ZNF142: variants seen among roughly 807,000 people sequenced by gnomAD.
ZNF142 encodes the protein zinc finger protein 142.
Under a neutral mutation model 132.1 loss-of-function variants are expected in ZNF142, and 96 were observed. The ratio of observed to expected loss-of-function variants is 0.73; its 90% confidence interval spans 0.62 to 0.86. The LOEUF (loss-of-function observed/expected upper bound fraction) is 0.86, where lower values mean the gene tolerates loss of function less well. Among genes scored for constraint, ZNF142 ranks in the 40% least tolerant of loss-of-function variants. The pLI, the probability that ZNF142 is intolerant of heterozygous loss-of-function variation, is 0.00. For missense variants in ZNF142, 2,163 were observed against 2,336.2 expected, an observed-to-expected ratio of 0.93 and a Z score of 1.53; for synonymous variants, 842 against 890.1, an observed-to-expected ratio of 0.95 and a Z score of 0.96.
chr2:218,652,060 G>C lies in ZNF142; in HGVS notation c.521C>G (p.Ala174Gly). 1 of 466,610 alleles carries C rather than the reference G, an allele frequency of 2.1e-6. No homozygotes were observed. Among genetic ancestry groups the C allele is most frequent in the Non-Finnish European group, 4.2e-6 (1 of 236,400 alleles). The allele number at this position is 466,610 out of a possible 1,614,324, so 28.9% of individuals were successfully genotyped here. A position where few individuals can be genotyped will look rare whatever the true frequency, so the allele number is the denominator to read the frequency against. The change falls in exon 5 of 11, where the codon GCC becomes GGC. Residue 174 changes from alanine to glycine, a missense_variant. Ala to Gly is a moderately conservative substitution (Grantham distance 60, BLOSUM62 0). This residue lies in a region of ZNF142 where 195 missense variants were observed against 172.4 expected (regional missense o/e 1.13). Transcript: ENST00000411696. Reference protein sequence around the residue: ...LSCPVCRQEFAQPQALKSHFK... With the variant: ...LSCPVCRQEFGQPQALKSHFK... ...GTGGCTCTTCAGGGCCTGGGGTTGG[G>C]CAAACTCCTGTCTACACACAGGGCA...
At position 218,642,875 on chromosome 2, in the gene ZNF142, C is replaced by A; in HGVS notation, c.4241G>T (p.Arg1414Leu). The change falls in exon 9 of 11, where the codon CGG becomes CTG. Residue 1414 changes from arginine (R) to leucine (L), a missense_variant. Arg to Leu is a moderately radical substitution (Grantham distance 102). Transcript: ENST00000411696. This position sits in a 1 kb window ranked among gnomAD's most constrained non-coding sequence, Gnocchi z 4.6. ...GTGTCGGGACTGGTGAGCCTCTAACCGGTACCGTCTGGTGGTCGAAAAGTC... is the reference window on the plus strand; with the variant it reads ...GTGTCGGGACTGGTGAGCCTCTAACAGGTACCGTCTGGTGGTCGAAAAGTC... The part of the protein sequence containing the change: ...FCDFSTTRRY[R>L]LEAHQSRHTG... 1 of 1,614,140 alleles carries A rather than the reference C, an allele frequency of 6.2e-7. No homozygotes were observed.
At chr2:218,646,706 T>TGGG (rs1697759980) in intron 7 of ZNF142, among the ~76,000 whole-genome samples, 1 of 152,158 alleles carries the variant, frequency 6.6e-6, no homozygotes, top group Non-Finnish European at 1.5e-5. Flanking sequence ...TGCCTTAGCC[T>TGGG]CTCGAGTAGC....
In ZNF142 at chr2:218,633,551, TTC is replaced by T; in HGVS notation, c.*4786_*4787del. ...TTTAGGTTGGATGGCCATTATCTTC[TTC>T]TCTCTCAGACTGCTGAGGGTTCAAT... On this transcript the variant is annotated 3_prime_UTR_variant, in exon 11 of 11. Transcript: ENST00000411696. The T allele has an allele frequency of 6.3e-7, 1 of 1,577,858 alleles. No individual in the cohort carries two copies. Among genetic ancestry groups the T allele is most frequent in the Non-Finnish European group, 8.7e-7 (1 of 1,147,470 alleles).
rs1284341581 is a variant in ZNF142 at position 218,643,421 on chromosome 2, G to A, written c.3695C>T (p.Pro1232Leu). The A allele has an allele frequency of 7.4e-6, 12 of 1,614,216 alleles. No homozygotes were observed. Among genetic ancestry groups the A allele is most frequent in the East Asian group, 2.2e-5 (1 of 44,882 alleles). The part of the protein sequence containing the change: ...EQGKFHCNSC[P>L]FLCSRLSSIT... ...AGAGGAGAGCCGGGAACAAAGGAAT[G>A]GGCAGGAGTTGCAGTGAAACTTGCC... Residue 1232 changes from proline (P) to leucine (L), a missense_variant, in exon 9 of 11, where the codon CCA becomes CTA. This residue lies in a region of ZNF142 where 809 missense variants were observed against 801.7 expected (regional missense o/e 1.01). Transcript: ENST00000411696.
Position 218,644,193 on chromosome 2 carries a change from C to T in ZNF142, c.2923G>A (p.Ala975Thr). ...AAGGTTCCTACCCAGTTGTTAGGAGCCTCCTCTAAGGATGGAGGATTTGTG... is the reference window on the plus strand; with the variant it reads ...AAGGTTCCTACCCAGTTGTTAGGAGTCTCCTCTAAGGATGGAGGATTTGTG... ...PSTNPPSLEE[A>T]PNNWVGTFKT... The change falls in exon 9 of 11, where the codon GCT becomes ACT. Residue 975 changes from alanine (A) to threonine (T), a missense_variant. Transcript: ENST00000411696. The surrounding 1 kb of genome is among the most constrained non-coding windows in gnomAD (Gnocchi z 4.6). 1 of 1,614,100 alleles carries T rather than the reference C, an allele frequency of 6.2e-7. No homozygotes were observed. The highest frequency in any genetic ancestry group is 2.2e-5 in the East Asian group (1 of 44,876).
rs765735729 is a variant in ZNF142, at chr2:218,636,551, G to A, written c.*1788C>T. On this transcript the variant is annotated 3_prime_UTR_variant, in exon 11 of 11. Transcript: ENST00000411696. ...CATCTTTGTGTATATCTGCATCCAG[G>A]AAGGCCTGGAGGGGGATGAGTCCTG... The A allele has an allele frequency of 6.2e-7, 1 of 1,614,026 alleles. No homozygotes were observed. The highest frequency in any genetic ancestry group is 1.1e-5 in the South Asian group (1 of 91,078).
Position 218,643,386 on chromosome 2 carries a change from G to C in ZNF142, c.3730C>G (p.His1244Asp). 1 of 1,614,216 alleles carries C rather than the reference G, an allele frequency of 6.2e-7. No homozygotes were observed. The highest frequency in any genetic ancestry group is 1.1e-5 in the South Asian group (1 of 91,080). Residue 1244 changes from histidine (H) to aspartate (D), a missense_variant, in exon 9 of 11, where the codon CAC (histidine) becomes GAC (aspartate). This residue lies in a region of ZNF142 where 809 missense variants were observed against 801.7 expected (regional missense o/e 1.01). Transcript: ENST00000411696. ...CCCCCCCTGCAGCCTTCAGCCACGT[G>C]AGAGGTAATAGAGGAGAGCCGGGAA... ...LCSRLSSITS[H>D]VAEGCRGGRG...
In ZNF142 at chr2:218,633,393, C is replaced by T. The variant is rs751231334; in HGVS notation, c.*4946G>A. ...TCCCATTCCCACCCCCAGGTTGTGACGTGCCCGCTGTTTTGTCCGTCTATC... is the reference window on the plus strand; with the variant it reads ...TCCCATTCCCACCCCCAGGTTGTGATGTGCCCGCTGTTTTGTCCGTCTATC... On this transcript the variant is annotated 3_prime_UTR_variant, in exon 11 of 11. Coordinates refer to ENST00000411696, the MANE Select transcript of ZNF142 (RefSeq NM_001379659.1). 3.1e-5 allele frequency: 22 copies of T among 711,090 alleles called. 2 individuals are homozygous for T. The highest frequency in any genetic ancestry group is 2.1e-4 in the South Asian group (14 of 67,726). 44.0% of individuals were successfully genotyped at this position (711,090 alleles called of 1,614,324 possible).
chr2:218,656,008 T>C, intron 4 of ZNF142, 142 bp downstream of exon 4: 1 of 1,161,084 alleles, frequency 8.6e-7, no homozygotes, highest in Non-Finnish European at 1.1e-6. Flanking sequence ...ATGCACCAAC[T>C]GCAAACCAAA....
chr2:218,643,026 C>A lies in ZNF142; in HGVS notation c.4090G>T (p.Ala1364Ser). The A allele has an allele frequency of 6.2e-7, 1 of 1,601,804 alleles. No homozygotes were observed. ...TGTAGATGGGGCCGGGGCCCACGGG[C>A]TGGGGCTGCAGTGGGGTGCCTCCGC... ...QKRRHPTAAP[A>S]RGPRPHLQCG... The change falls in exon 9 of 11, where the codon GCC (alanine) becomes TCC (serine). Residue 1364 changes from alanine to serine, a missense_variant. Ala to Ser is a moderately conservative substitution (Grantham distance 99, BLOSUM62 1). Coordinates refer to ENST00000411696, the MANE Select transcript of ZNF142 (RefSeq NM_001379659.1).
At chr2:218,645,115 TA>T in intron 8 of ZNF142, 51 bp from the exon 9 acceptor site, 1 of 1,579,232 alleles carries the variant, frequency 6.3e-7, no homozygotes, top group South Asian at 1.1e-5. Flanking sequence ...TCACAACAAC[TA>T]AGAATCAGTC....
intron 10 of ZNF142, among the ~76,000 whole-genome samples, chr2:218,640,148 G>C (rs2106193394): frequency 6.6e-6 from 1 of 151,338 alleles, no homozygotes; most frequent in Middle Eastern, 3.4e-3. Context: ...AAAGCAGAGG[G>C]CCTTGAAATG....
In ZNF142 at chr2:218,645,028, C is replaced by A. The variant is rs1697611986; in HGVS notation, c.2088G>T (p.Arg696=). ...QCNQCSYRCH[R]ADQLSSHKLR... is the part of the protein sequence containing the mutation. ...GCTTGTGGCTGCTCAGCTGATCAGC[C>A]CGGTGACAGCGATAGGAGCACTGGT... The change falls in exon 9 of 11, where the codon CGG becomes CGT. Residue 696 remains arginine (R), a synonymous_variant. Transcript: ENST00000411696. The A allele has an allele frequency of 6.2e-7, 1 of 1,613,472 alleles. No homozygotes were observed. The highest frequency in any genetic ancestry group is 1.3e-5 in the African/African-American group (1 of 74,892).
chr2:218,641,252 T>TC (rs1313055617), intron 9 of ZNF142, among the ~76,000 whole-genome samples: 1 of 147,908 alleles, frequency 6.8e-6, no homozygotes, highest in East Asian at 2.0e-4. Flanking sequence ...AATTTTTTTT[T>TC]TTTTTTTTTT....
Position 218,642,916 on chromosome 2 carries a change from A to T in ZNF142, c.4200T>A (p.His1400Gln). 6.2e-7 allele frequency: 1 copy of T among 1,613,886 alleles called. No individual in the cohort carries two copies. The highest frequency in any genetic ancestry group is 8.5e-7 in the Non-Finnish European group (1 of 1,180,000). The change falls in exon 9 of 11, where the codon CAT (histidine) becomes CAA (glutamine). Residue 1400 changes from histidine to glutamine, a missense_variant. Transcript: ENST00000411696. This position sits in a 1 kb window ranked among gnomAD's most constrained non-coding sequence, Gnocchi z 4.6. ...TCGAAAAGTCACAGAAGGGGCACTGATGGGGCTTCACCCCCTCGTGCTTGA... is the reference window on the plus strand; with the variant it reads ...TCGAAAAGTCACAGAAGGGGCACTGTTGGGGCTTCACCCCCTCGTGCTTGA... Reference protein sequence around the residue: ...RRLKHEGVKPHQCPFCDFSTT... With the variant: ...RRLKHEGVKPQQCPFCDFSTT...
chr2:218,652,584 G>A (rs540533183), intron 4 of ZNF142, among the ~76,000 whole-genome samples: 8 of 152,260 alleles, frequency 5.3e-5, no homozygotes, highest in African/African-American at 1.9e-4. Context: ...CATTAAGACA[G>A]TATATTTTGC....
chr2:218,649,412 G>C lies in ZNF142; in HGVS notation c.1096C>G (p.Pro366Ala). Residue 366 changes from proline (P) to alanine (A), a missense_variant, in exon 7 of 11, where the codon CCA becomes GCA. Physicochemically the swap from Pro to Ala is conservative, Grantham distance 27 (BLOSUM62 -1). Transcript: ENST00000411696. ...TTCTTAAAGCAGCGCTTACACTCTG[G>C]ACACATATGGGTCTTGAAGAGGGAC... The part of the protein sequence containing the change: ...TESLFKTHMC[P>A]ECKRCFKKRT... The C allele has an allele frequency of 6.2e-7, 1 of 1,612,400 alleles. No individual in the cohort carries two copies. The highest frequency in any genetic ancestry group is 2.2e-5 in the East Asian group (1 of 44,826).
In ZNF142 at chr2:218,643,095, G is replaced by A. The variant is rs1377534723; in HGVS notation, c.4021C>T (p.Pro1341Ser). The A allele has an allele frequency of 6.2e-7, 1 of 1,610,006 alleles. No individual in the cohort carries two copies. Among genetic ancestry groups the A allele is most frequent in the African/African-American group, 1.3e-5 (1 of 74,910 alleles). ...GCAGTGGCAGCAGGAGCAGTGAATG[G>A]GCAGAGGCTGCAGTGCAGCTCTCCA... is the stretch of plus-strand genomic sequence containing the variant. ...ESGELHCSLC[P>S]FTAPAATALR... Residue 1341 changes from proline to serine, a missense_variant, in exon 9 of 11, where the codon CCA becomes TCA. Pro to Ser is a moderately conservative substitution (Grantham distance 74). Around this residue, in one of 7 missense-constraint regions of ZNF142, gnomAD observed 809 missense variants for 801.7 expected, o/e 1.01. Coordinates refer to ENST00000411696, the MANE Select transcript of ZNF142 (RefSeq NM_001379659.1).
At position 218,651,570 on chromosome 2, in the gene ZNF142, A is replaced by G. The variant is rs1937998247; in HGVS notation, c.880+131T>C. ...CCTTCCCATGTCATCCAGTAACTCC[A>G]TCCTCCTGAGCCACTGTCTAGATTC... On this transcript the variant is annotated intron_variant, in intron 5 of 10. Transcript: ENST00000411696. 1.1e-5 allele frequency: 11 copies of G among 1,037,586 alleles called. No homozygotes were observed. In the South Asian group the frequency reaches 1.8e-4, roughly 17 times the overall value. 64.3% of individuals were successfully genotyped at this position (1,037,586 alleles called of 1,614,324 possible).
Sources: allele counts gnomAD v4.1 joint callset (sites outside exome capture counted in the v4.1 genomes callset), GRCh38; gene constraint gnomAD v4.1.1; regional missense constraint gnomAD v4.1.1; non-coding constraint Gnocchi (gnomAD v3.1); transcripts MANE v1.5; gene names NCBI Gene and HGNC (gene_info 2026-07-23, HGNC 2026-07-21).